Variants in MYLK observed in about 807,000 individuals in gnomAD.
MYLK encodes myosin light chain kinase, smooth muscle.
In MYLK, 106 loss-of-function variants were observed where a neutral mutation model predicts 203.4. The ratio of observed to expected loss-of-function variants is 0.52; its 90% CI spans 0.45 to 0.61. The LOEUF (loss-of-function observed/expected upper bound fraction) is 0.61. MYLK is among the 20% of genes least tolerant of loss of function. The probability of loss-of-function intolerance (pLI) is 0.00; values close to 1 mark genes in which losing one functional copy is unlikely to be tolerated. For synonymous variants in MYLK, 867 were observed against 959.5 expected (o/e 0.90, Z 1.78); for missense variants, 2,072 against 2,442.3 (o/e 0.85, Z 3.20).
chr3:123,734,256 G>A (rs755127905), intron 9 of MYLK, 34 bp from the exon 10 acceptor site: 1 of 1,454,526 alleles, frequency 6.9e-7, no homozygotes, highest in Non-Finnish European at 9.1e-7. Flanking sequence ...TAGGGTGGGT[G>A]AGGAGAGGGG....
chr3:123,702,577 G>A (rs191501001), intron 16 of MYLK, among the ~76,000 whole-genome samples: 2 of 152,268 alleles, frequency 1.3e-5, no homozygotes, highest in Non-Finnish European at 2.9e-5. Context: ...AGACCCAATA[G>A]CAGATGTGCC....
intron 19 of MYLK, among the ~76,000 whole-genome samples, chr3:123,690,086 G>A (rs531775216): frequency 1.2e-4 from 19 of 152,312 alleles, no homozygotes; most frequent in African/African-American, 3.6e-4. Flanking sequence ...GGCCAGGCCA[G>A]CCCTGCTGAG....
At position 123,657,387 on chromosome 3, in the gene MYLK, T is replaced by C. The variant is rs2059422087; in HGVS notation, c.4027A>G (p.Ile1343Val). 6.2e-7 allele frequency: 1 copy of C among 1,613,856 alleles called. No homozygotes were observed. The highest frequency in any genetic ancestry group is 1.3e-5 in the African/African-American group (1 of 74,914). The change falls in exon 24 of 34, where the codon ATT (isoleucine) becomes GTT (valine). Residue 1343 changes from isoleucine (I) to valine (V), a missense_variant. Transcript: ENST00000360304. ...GACAGGGTCAGTGAGGAGCTCCGAA[T>C]GTCAGAGGCACAAGGTGTGCCAGCT... ...PPAGTPCASD[I>V]RSSSLTLSWY...
At chr3:123,682,036 T>A in intron 20 of MYLK, 188 bp downstream of exon 20, 1 of 661,958 alleles carries the variant, frequency 1.5e-6, no homozygotes. Context: ...TGGGATGGGG[T>A]GAGAAAAGGC....
Position 123,626,853 on chromosome 3 carries a change from G to A in MYLK, c.5203C>T (p.Arg1735Trp). ...NMEAKKLSKD[R>W]MKKYMARRKW... The stretch of plus-strand genomic sequence containing the variant: ...CTTCTTGCCATGTACTTCTTCATCC[G>A]GTCCTTGGAGAGTTTCTTGGCCTCC... Residue 1735 changes from arginine to tryptophan, a missense_variant, in exon 31 of 34, where the codon CGG becomes TGG. By Grantham distance (101) the Arg-to-Trp change is moderately radical (BLOSUM62 -3). Transcript: ENST00000360304. The A allele has an allele frequency of 6.2e-7, 1 of 1,614,150 alleles. No individual in the cohort carries two copies. The highest frequency in any genetic ancestry group is 8.5e-7 in the Non-Finnish European group (1 of 1,180,030).
chr3:123,724,701 A>G (rs2062216189), intron 12 of MYLK, among the ~76,000 whole-genome samples: 1 of 151,860 alleles, frequency 6.6e-6, no homozygotes, highest in Non-Finnish European at 1.5e-5. Flanking sequence ...TATTTGGTGC[A>G]TAAGTGTTGG....
At position 123,708,719 on chromosome 3, in the gene MYLK, G is replaced by A. The variant is rs768134055; in HGVS notation, c.2119C>T (p.Gln707Ter). The A allele has an allele frequency of 6.2e-6, 10 of 1,614,132 alleles. No individual in the cohort carries two copies. Among genetic ancestry groups the A allele is most frequent in the Non-Finnish European group, 8.5e-6 (10 of 1,180,030 alleles). The change falls in exon 15 of 34, where the codon CAG (glutamine) becomes TAG (stop). Residue 707 changes from glutamine (Q) to a stop codon, truncating the protein, a stop_gained. Transcript: ENST00000360304. LOFTEE classifies it high-confidence loss of function. Reference protein sequence around the residue: ...AWNSAGEVRTQAVLTVQEPHD... With the variant: ...AWNSAGEVRT ...TCACCTTGTACCGTGAGCACGGCCTGGGTGCGGACCTCTCCAGCGCTGTTC... is the reference window on the plus strand; with the variant it reads ...TCACCTTGTACCGTGAGCACGGCCTAGGTGCGGACCTCTCCAGCGCTGTTC...
At position 123,733,226 on chromosome 3, in the gene MYLK, CCT is replaced by C. The variant is rs377166803; in HGVS notation, c.1310-126_1310-125del. 1,543 of 1,064,254 alleles carry C rather than the reference CCT, an allele frequency of 1.4e-3. 16 individuals carry two copies. In the East Asian group the frequency reaches 0.02, roughly 14 times the overall value. 65.9% of individuals were successfully genotyped at this position (1,064,254 alleles called of 1,614,324 possible). A position where few individuals can be genotyped will look rare whatever the true frequency, so the allele number is the denominator to read the frequency against. ...AGTTTGGTGTGGAGCTGCCCTCCCA[CCT>C]CTGAGTCTGCTTCCTCACCCTCAAC... On this transcript the variant is annotated intron_variant, in intron 10 of 33. Transcript: ENST00000360304.
At position 123,707,872 on chromosome 3, in the gene MYLK, C is replaced by A; in HGVS notation, c.2272G>T (p.Gly758Cys). ...CCAGTGTCTTTGCAGAGGGCTTTGCCATCTCTGAGCCAGTGCACGGTAGGA... is the reference window on the plus strand; with the variant it reads ...CCAGTGTCTTTGCAGAGGGCTTTGCAATCTCTGAGCCAGTGCACGGTAGGA... ...PFPTVHWLRD[G>C]KALCKDTGHF... The change falls in exon 16 of 34, where the codon GGC (glycine) becomes TGC (cysteine). Residue 758 changes from glycine to cysteine, a missense_variant. By Grantham distance (159) the Gly-to-Cys change is radical (BLOSUM62 -3). Coordinates refer to ENST00000360304, the MANE Select transcript of MYLK (RefSeq NM_053025.4). 6.2e-7 allele frequency: 1 copy of A among 1,614,222 alleles called. No individual in the cohort carries two copies. The highest frequency in any genetic ancestry group is 2.2e-5 in the East Asian group (1 of 44,890).
At chr3:123,639,640 C>T (rs1186362117) in intron 28 of MYLK, among the ~76,000 whole-genome samples, 1 of 152,156 alleles carries the variant, frequency 6.6e-6, no homozygotes, top group African/African-American at 2.4e-5. Context: ...GACCGCCTAC[C>T]CCTGTGACCT....
intron 2 of MYLK, among the ~76,000 whole-genome samples, chr3:123,851,176 C>T (rs545607871): frequency 9.9e-4 from 151 of 152,186 alleles, no homozygotes; most frequent in African/African-American, 3.5e-3. Flanking sequence ...AGTCAGGTAG[C>T]GTGATGCCTC....
At position 123,642,345 on chromosome 3, in the gene MYLK, G is replaced by A. The variant is rs1156319520; in HGVS notation, c.4620-1841C>T. Among the ~76,000 whole-genome samples, 1 of 152,198 alleles carries A rather than the reference G, an allele frequency of 6.6e-6. No individual in the cohort carries two copies. Among genetic ancestry groups the A allele is most frequent in the Non-Finnish European group, 1.5e-5 (1 of 68,044 alleles). ...TGTAAAGTATCATGCCTAACACACA[G>A]AAGGTGCTCAACACTTATTACTTAT... On this transcript the variant is annotated intron_variant, in intron 27 of 33. Coordinates refer to ENST00000360304, the MANE Select transcript of MYLK (RefSeq NM_053025.4). This position sits in a 1 kb window ranked among gnomAD's most constrained non-coding sequence, Gnocchi z 4.2.
chr3:123,645,900 T>A (rs971030633), intron 27 of MYLK, among the ~76,000 whole-genome samples: 1 of 152,042 alleles, frequency 6.6e-6, no homozygotes, highest in Non-Finnish European at 1.5e-5. Context: ...TCCCAGCACT[T>A]TGGGAGGCTG....
At chr3:123,799,709 C>T (rs1050772796) in intron 3 of MYLK, 5 of 152,428 alleles carry the variant, frequency 3.3e-5, no homozygotes, top group Admixed American at 3.3e-4. Flanking sequence ...GCACTCAAAT[C>T]CTGACAAGTT....
chr3:123,857,544 A>G (rs2031512575), intron 2 of MYLK, among the ~76,000 whole-genome samples: 3 of 151,632 alleles, frequency 2.0e-5, no homozygotes, highest in South Asian at 4.2e-4. Context: ...AACTATCGTA[A>G]GAACAAAAAA....
intron 3 of MYLK, among the ~76,000 whole-genome samples, chr3:123,799,345 C>A (rs2065110159): frequency 6.6e-6 from 1 of 152,184 alleles, no homozygotes; most frequent in Admixed American, 6.5e-5. Context: ...GAAAGGAACA[C>A]TTTCAACTAC....
intron 2 of MYLK, among the ~76,000 whole-genome samples, chr3:123,854,787 A>T (rs2031199629): frequency 6.6e-6 from 1 of 152,170 alleles, no homozygotes; most frequent in Non-Finnish European, 1.5e-5. Flanking sequence ...CTCAAAATAT[A>T]TCCTTTAATA....
chr3:123,661,890 T>G (rs1271837694), intron 23 of MYLK, among the ~76,000 whole-genome samples: 2 of 152,180 alleles, frequency 1.3e-5, no homozygotes. Context: ...GGCCAGGGTG[T>G]GGAACCTGTG....
chr3:123,877,093 C>G (rs1474615508), intron 1 of MYLK, among the ~76,000 whole-genome samples: 1 of 152,104 alleles, frequency 6.6e-6, no homozygotes, highest in African/African-American at 2.4e-5. Context: ...GATAGAAGAA[C>G]CTGTCAATCA....
Sources: allele counts gnomAD v4.1 joint callset (sites outside exome capture counted in the v4.1 genomes callset), GRCh38; gene constraint gnomAD v4.1.1; non-coding constraint Gnocchi (gnomAD v3.1); transcripts MANE v1.5; gene names NCBI Gene and HGNC (gene_info 2026-07-23, HGNC 2026-07-21).